Variants in RNF123 observed in about 807,000 individuals in gnomAD.
The protein encoded by RNF123 is E3 ubiquitin-protein ligase RNF123.
Under a neutral mutation model 168.5 loss-of-function variants are expected in RNF123, and 86 were observed. The observed-to-expected ratio is 0.51, with a 90% CI of 0.43 to 0.61. RNF123 has a LOEUF of 0.61. Among genes scored for constraint, RNF123 ranks in the 20% least tolerant of loss-of-function variants. The probability of loss-of-function intolerance (pLI) is 0.00; values close to 1 mark genes in which losing one functional copy is unlikely to be tolerated. For missense variants in RNF123, 1,419 were observed against 1,729.7 expected (o/e 0.82, Z 3.19); for synonymous variants, 666 against 689.1 (o/e 0.97, Z 0.52).
intron 26 of RNF123, among the ~76,000 whole-genome samples, chr3:49,709,401 C>A (rs1001612687): frequency 2.7e-5 from 4 of 150,564 alleles, no homozygotes; most frequent in African/African-American, 4.9e-5. Context: ...CCCGGGTTCA[C>A]ACCATTCTCC....
chr3:49,719,215 A>AGGGGCGCCAACCAGCC (rs1167266923), intron 35 of RNF123: 1 of 1,613,146 alleles, frequency 6.2e-7, no homozygotes, highest in Admixed American at 1.7e-5. Context: ...CAGCTGGAAG[A>AGGGGCGCCAACCAGCC]GGGGCGCCAA....
In RNF123 at chr3:49,699,049, C is replaced by T. The variant is rs754675048; in HGVS notation, c.708C>T (p.Ala236=). 41 of 1,613,826 alleles carry T rather than the reference C, an allele frequency of 2.5e-5. No individual in the cohort carries two copies. Among genetic ancestry groups the T allele is most frequent in the Non-Finnish European group, 3.3e-5 (39 of 1,180,046 alleles). ...SRGLGMAYFP[A]ISLSFKESVA... ...GCCTGGGTATGGCCTACTTCCCAGCCATCAGCCTCTCTTTCAAGGAGTCCG... is the reference window on the plus strand; with the variant it reads ...GCCTGGGTATGGCCTACTTCCCAGCTATCAGCCTCTCTTTCAAGGAGTCCG... The change falls in exon 10 of 39, where the codon GCC becomes GCT. Residue 236 remains alanine (A), a synonymous_variant. Transcript: ENST00000327697. This position sits in a 1 kb window ranked among gnomAD's most constrained non-coding sequence, Gnocchi z 4.8.
Position 49,721,512 on chromosome 3 carries a change from A to AAATT in RNF123, c.*209_*212dup, listed in dbSNP as rs1441710800. 3.6e-6 allele frequency: 3 copies of AAATT among 839,070 alleles called. No homozygotes were observed. The highest frequency in any genetic ancestry group is 3.8e-5 in the Admixed American group (2 of 52,160). The allele number at this position is 839,070 out of a possible 1,614,324, so 52.0% of individuals were successfully genotyped here. A position where few individuals can be genotyped will look rare whatever the true frequency, so the allele number is the denominator to read the frequency against. On this transcript the variant is annotated 3_prime_UTR_variant, in exon 39 of 39. Coordinates refer to ENST00000327697, the MANE Select transcript of RNF123 (RefSeq NM_022064.5). ...TTCAGTCAGGGCCACAGTGAGCATT[A>AAATT]AATTATTATTCCATACAGCCCTGGC...
In RNF123 at chr3:49,713,565, C is replaced by T. The variant is rs199514421; in HGVS notation, c.2727C>T (p.Ala909=). The T allele has an allele frequency of 4.0e-5, 65 of 1,612,456 alleles. 1 individual carries two copies. In the East Asian group the frequency reaches 6.5e-4, roughly 16 times the overall value. Residue 909 remains alanine (A), a synonymous_variant, in exon 28 of 39, where the codon GCC becomes GCT. Coordinates refer to ENST00000327697, the MANE Select transcript of RNF123 (RefSeq NM_022064.5). The part of the protein sequence containing the change: ...RLAAILAKHF[A]DARIVGTDIR... ...CTGCCATTCTCGCCAAACACTTTGC[C>T]GACGCACGCATTGTGGGCACTGGTG... is the stretch of plus-strand genomic sequence containing the variant.
intron 9 of RNF123, 76 bp from the exon 10 acceptor site, chr3:49,698,904 C>A: frequency 6.2e-7 from 1 of 1,606,570 alleles, no homozygotes; most frequent in Middle Eastern, 1.7e-4. Context: ...CTGTAAGGGG[C>A]CAGACTGAGT....
In RNF123 at chr3:49,720,596, C is replaced by G; in HGVS notation, c.3586C>G (p.Pro1196Ala). Residue 1196 changes from proline to alanine, a missense_variant, in exon 36 of 39, where the codon CCA becomes GCA. This residue lies in a region of RNF123 where 164 missense variants were observed against 152.3 expected (regional missense o/e 1.08). Transcript: ENST00000327697. ...ICYLLGQPEP[P>A]APGTALPAPD... ...CTATCTCCTGGGACAGCCAGAGCCC[C>G]CAGCACCTGGCACTGCTCTGCCAGC... The G allele has an allele frequency of 6.2e-7, 1 of 1,611,418 alleles. No homozygotes were observed. The highest frequency in any genetic ancestry group is 8.5e-7 in the Non-Finnish European group (1 of 1,178,322).
chr3:49,703,552 G>A (rs1271704408), intron 21 of RNF123, 24 bp downstream of exon 21: 2 of 1,597,652 alleles, frequency 1.3e-6, no homozygotes, highest in Non-Finnish European at 1.7e-6. Flanking sequence ...TGTGGGCCGG[G>A]AGCAGTTCTG....
At chr3:49,702,458 C>T (rs557504805) in intron 19 of RNF123, 53 bp downstream of exon 19, 9 of 1,602,070 alleles carry the variant, frequency 5.6e-6, no homozygotes, top group African/African-American at 5.3e-5. Context: ...ACTACACATG[C>T]CATGCCCTCA....
rs2054305016 is a variant in RNF123, at chr3:49,698,131, C to T, written c.477C>T (p.Asn159=). 6.2e-7 allele frequency: 1 copy of T among 1,613,556 alleles called. No homozygotes were observed. The highest frequency in any genetic ancestry group is 1.3e-5 in the African/African-American group (1 of 74,872). The change falls in exon 7 of 39, where the codon AAC becomes AAT. Residue 159 remains asparagine, a synonymous_variant. Transcript: ENST00000327697. ...IGWCTISCRF[N]QEEGVGDTHN... ...GGTGCACCATCAGCTGCCGCTTCAA[C>T]CAGGAGGTACACGTTGGGGAGGGGA... is the stretch of plus-strand genomic sequence containing the variant.
chr3:49,709,337 T>G, intron 26 of RNF123, among the ~76,000 whole-genome samples: 2 of 140,878 alleles, frequency 1.4e-5, no homozygotes, highest in Admixed American at 6.9e-5. Flanking sequence ...GTCTCACTCT[T>G]TCACCCAGGC....
Position 49,698,983 on chromosome 3 carries a change from C to T in RNF123, c.642C>T (p.Asn214=), listed in dbSNP as rs371440681. ...LDDGTLSFCL[N]GVSLGTAFEN... The stretch of plus-strand genomic sequence containing the variant: ...ACAGACCCACCCTTCTCCCCAGGAA[C>T]GGTGTATCACTGGGCACTGCCTTTG... Residue 214 remains asparagine, a synonymous_variant, in exon 10 of 39, where the codon AAC becomes AAT. Transcript: ENST00000327697. The T allele has an allele frequency of 3.5e-5, 56 of 1,613,696 alleles. No homozygotes were observed. The highest frequency in any genetic ancestry group is 4.4e-5 in the South Asian group (4 of 91,062).
Position 49,705,604 on chromosome 3 carries a change from C to T in RNF123, c.2229C>T (p.Thr743=), listed in dbSNP as rs780038552. ...CCGAGGAGCCTGAGCAGCCCCTCAC[C>T]GAGAACTCGCTGCTGGAAGTCCTGG... ...RPPEEPEQPL[T]ENSLLEVLDG... is the part of the protein sequence containing the mutation. The change falls in exon 24 of 39, where the codon ACC becomes ACT. Residue 743 remains threonine (T), a synonymous_variant. Transcript: ENST00000327697. 3.7e-6 allele frequency: 6 copies of T among 1,613,486 alleles called. No individual in the cohort carries two copies. The Admixed American group carries it at 6.7e-5, about 18-fold the overall frequency.
intron 12 of RNF123, 66 bp from the exon 13 acceptor site, chr3:49,700,161 C>T: frequency 6.3e-7 from 1 of 1,598,036 alleles, no homozygotes; most frequent in South Asian, 1.1e-5. Flanking sequence ...TGGCCATGTG[C>T]CAGGGCAGGG....
At chr3:49,718,203 T>C in intron 35 of RNF123, 2 of 1,611,612 alleles carry the variant, frequency 1.2e-6, no homozygotes, top group Non-Finnish European at 1.7e-6. Context: ...GGCTGGGTGT[T>C]TGGGGCCAGC....
At position 49,718,048 on chromosome 3, in the gene RNF123, G is replaced by A. The variant is rs140027250; in HGVS notation, c.3500+1571G>A. On this transcript the variant is annotated intron_variant, in intron 35 of 38. Transcript: ENST00000327697. Reference sequence around the variant, plus strand: ...AGGGTTGTAGAGATCGAATTCCTCAGCTACTGCCAGCTGCACGCGGCCATT... The same window carrying A: ...AGGGTTGTAGAGATCGAATTCCTCAACTACTGCCAGCTGCACGCGGCCATT... 1.4e-3 allele frequency: 2,334 copies of A among 1,613,656 alleles called. 1 individual carries two copies. The highest frequency in any genetic ancestry group is 1.8e-3 in the Non-Finnish European group (2,082 of 1,180,042).
chr3:49,720,450 AAG>A, intron 35 of RNF123, 59 bp from the exon 36 acceptor site: 4 of 1,491,562 alleles, frequency 2.7e-6, no homozygotes, highest in Admixed American at 2.3e-5. Context: ...TGGCAATCCC[AAG>A]AGAGACTTTT....
intron 1 of RNF123, among the ~76,000 whole-genome samples, chr3:49,690,769 A>G (rs2054139416): frequency 6.6e-6 from 1 of 152,238 alleles, no homozygotes; most frequent in East Asian, 1.9e-4. Flanking sequence ...CTTACAACTG[A>G]GATGGATACA....
intron 26 of RNF123, among the ~76,000 whole-genome samples, chr3:49,711,432 G>A (rs2080143403): frequency 6.6e-6 from 1 of 152,072 alleles, no homozygotes; most frequent in African/African-American, 2.4e-5. Flanking sequence ...TCTCAATCCG[G>A]CCGGCACATT....
Position 49,697,184 on chromosome 3 carries a change from A to G in RNF123, c.209A>G (p.Gln70Arg). 6.2e-7 allele frequency: 1 copy of G among 1,614,152 alleles called. No individual in the cohort carries two copies. Among genetic ancestry groups the G allele is most frequent in the Non-Finnish European group, 8.5e-7 (1 of 1,180,010 alleles). Residue 70 changes from glutamine (Q) to arginine (R), a missense_variant, in exon 4 of 39, where the codon CAG becomes CGG. By Grantham distance (43) the Gln-to-Arg change is conservative. Transcript: ENST00000327697. ...CAGAACCTGCCAGAACATTTGGACC[A>G]GTTGCTACAGGTGGACAATGAGGAG... ...NFQNLPEHLDQLLQVDNEEEE... is the reference protein window; with the variant it reads ...NFQNLPEHLDRLLQVDNEEEE...
Sources: allele counts gnomAD v4.1 joint callset (sites outside exome capture counted in the v4.1 genomes callset), GRCh38; gene constraint gnomAD v4.1.1; regional missense constraint gnomAD v4.1.1; non-coding constraint Gnocchi (gnomAD v3.1); transcripts MANE v1.5; gene names NCBI Gene and HGNC (gene_info 2026-07-23, HGNC 2026-07-21).